Variants in PPP5C observed in about 807,000 individuals in gnomAD.
PPP5C encodes the protein protein phosphatase 5 catalytic subunit.
PPP5C carries 21 observed loss-of-function variants against 66.7 expected under a neutral mutation model. The observed-to-expected ratio is 0.31, with a 90% CI of 0.22 to 0.45. The LOEUF (loss-of-function observed/expected upper bound fraction) is 0.45. PPP5C is among the 20% of genes least tolerant of loss of function. The pLI, the probability that PPP5C is intolerant of heterozygous loss-of-function variation, is 1.00. For missense variants in PPP5C, 464 were observed against 675.9 expected, an observed-to-expected ratio of 0.69 and a Z score of 3.48; for synonymous variants, 246 against 257.4, an observed-to-expected ratio of 0.96 and a Z score of 0.43.
chr19:46,374,609 CT>C (rs892982302), intron 2 of PPP5C, among the ~76,000 whole-genome samples: 2 of 152,184 alleles, frequency 1.3e-5, no homozygotes, highest in Non-Finnish European at 2.9e-5. Flanking sequence ...GATAGGGCTC[CT>C]TTCACTGGGA....
chr19:46,362,946 C>A (rs1403867537), intron 2 of PPP5C, among the ~76,000 whole-genome samples: 2 of 150,336 alleles, frequency 1.3e-5, no homozygotes, highest in Non-Finnish European at 3.0e-5. Flanking sequence ...CGCCACCACA[C>A]CCGGCTAATT....
intron 8 of PPP5C, 35 bp downstream of exon 8, chr19:46,387,270 C>T: frequency 6.2e-7 from 1 of 1,613,882 alleles, no homozygotes; most frequent in Non-Finnish European, 8.5e-7. Flanking sequence ...GTGGGTTCCC[C>T]ACCCAGCCAC....
At chr19:46,361,529 G>A (rs1972390116) in intron 2 of PPP5C, among the ~76,000 whole-genome samples, 2 of 141,326 alleles carry the variant, frequency 1.4e-5, no homozygotes, top group African/African-American at 5.2e-5. Flanking sequence ...GGCGGATCAT[G>A]AGGTCAAGAG....
At position 46,390,646 on chromosome 19, in the gene PPP5C, G is replaced by GC. The variant is rs145421809; in HGVS notation, c.*306dup. 3.7e-3 allele frequency: 4,685 copies of GC among 1,282,786 alleles called. 148 individuals carry two copies. The African/African-American group carries it at 0.063, about 17-fold the overall frequency. The allele number at this position is 1,282,786 out of a possible 1,614,324, so 79.5% of individuals were successfully genotyped here. A position where few individuals can be genotyped will look rare whatever the true frequency, so the allele number is the denominator to read the frequency against. ...TGGGGTGGGGCCGAGTGGCTGCCCT[G>GC]CCCCCCTCATTTGCATGGCTCCTCC... On this transcript the variant is annotated 3_prime_UTR_variant, in exon 13 of 13. Transcript: ENST00000012443.
At chr19:46,384,739 A>AC in intron 6 of PPP5C, 65 bp from the exon 7 acceptor site, 1 of 1,270,734 alleles carries the variant, frequency 7.9e-7, no homozygotes. Context: ...TTCTGCCACC[A>AC]CCCCCAACCC....
chr19:46,384,299 A>C (rs1972845547), intron 6 of PPP5C: 1 of 257,572 alleles, frequency 3.9e-6, no homozygotes, highest in African/African-American at 2.2e-5. Flanking sequence ...AATATGTGCA[A>C]CCTTGTTACT....
rs1362413746 is a variant in PPP5C at position 46,352,954 on chromosome 19, G to A, written c.122-794G>A. 3.9e-5 allele frequency among the ~76,000 whole-genome samples: 6 copies of A among 152,216 alleles called. No homozygotes were observed. In the East Asian group the frequency reaches 1.2e-3, roughly 29 times the overall value. On this transcript the variant is annotated intron_variant, in intron 1 of 12. Coordinates refer to ENST00000012443, the MANE Select transcript of PPP5C (RefSeq NM_006247.4). ...GTTTCCCTGGGCTTGTGAGAGTTCA[G>A]TGAAGGGGGACCTGTGTACTAAAGC...
chr19:46,364,808 T>C (rs1386244817), intron 2 of PPP5C, among the ~76,000 whole-genome samples: 1 of 152,082 alleles, frequency 6.6e-6, no homozygotes, highest in Non-Finnish European at 1.5e-5. Flanking sequence ...TTCAAGACCC[T>C]CATTTGGGCC....
chr19:46,376,708 G>A lies in PPP5C; in HGVS notation c.633+134G>A, dbSNP rs1257172256. 17 of 1,286,172 alleles carry A rather than the reference G, an allele frequency of 1.3e-5. No individual in the cohort carries two copies. The highest frequency in any genetic ancestry group is 4.5e-5 in the African/African-American group (3 of 67,012). 79.7% of individuals were successfully genotyped at this position (1,286,172 alleles called of 1,614,324 possible). ...CAACACCAAACAGGAGTCGTGTGCC[G>A]GACACTGTGCCGAGGGCTTACCACA... On this transcript the variant is annotated intron_variant, in intron 4 of 12. Coordinates refer to ENST00000012443, the MANE Select transcript of PPP5C (RefSeq NM_006247.4). The surrounding 1 kb of genome is among the most constrained non-coding windows in gnomAD (Gnocchi z 5.1).
chr19:46,387,489 G>A, intron 9 of PPP5C, 36 bp downstream of exon 9: 1 of 1,613,984 alleles, frequency 6.2e-7, no homozygotes, highest in Middle Eastern at 1.7e-4. Flanking sequence ...CCAGCAGAAA[G>A]GGGCAGCCTG....
chr19:46,372,367 G>GA, intron 2 of PPP5C, among the ~76,000 whole-genome samples: 1 of 151,160 alleles, frequency 6.6e-6, no homozygotes, highest in Non-Finnish European at 1.5e-5. Context: ...TACCTGGCTA[G>GA]CTTTTTGTTG....
chr19:46,365,369 C>T (rs1387335675), intron 2 of PPP5C, among the ~76,000 whole-genome samples: 3 of 152,214 alleles, frequency 2.0e-5, no homozygotes, highest in Non-Finnish European at 4.4e-5. Flanking sequence ...CCACCTGTCT[C>T]AGCCTCCCAA....
At chr19:46,384,552 AC>A in intron 6 of PPP5C, 4 of 435,470 alleles carry the variant, frequency 9.2e-6, no homozygotes, top group Non-Finnish European at 1.3e-5. Context: ...TTTCCGGGAG[AC>A]AGGAGGCAGG....
In PPP5C at chr19:46,390,054, C is replaced by A. The variant is rs765007929; in HGVS notation, c.1359C>A (p.Asp453Glu). The part of the protein sequence containing the change: ...VTVFSAPNYC[D>E]QMGNKASYIH... The stretch of plus-strand genomic sequence containing the variant: ...CACTCTGCTCCTGTCCCTGCAGCGA[C>A]CAGATGGGGAACAAAGCCTCCTACA... Residue 453 changes from aspartate to glutamate, a missense_variant, in exon 12 of 13, where the codon GAC (aspartate) becomes GAA (glutamate). Asp to Glu is a conservative substitution (Grantham distance 45, BLOSUM62 2). Around this residue, in one of 2 missense-constraint regions of PPP5C, gnomAD observed 387 missense variants for 626.0 expected, o/e 0.62. Transcript: ENST00000012443. 1 of 1,614,104 alleles carries A rather than the reference C, an allele frequency of 6.2e-7. No homozygotes were observed.
intron 8 of PPP5C, 61 bp from the exon 9 acceptor site, chr19:46,387,305 G>A: frequency 6.2e-7 from 1 of 1,611,304 alleles, no homozygotes; most frequent in Non-Finnish European, 8.5e-7. Flanking sequence ...GCTGGTGAAG[G>A]AAGTTGGGGC....
intron 7 of PPP5C, 83 bp from the exon 8 acceptor site, chr19:46,387,010 G>T (rs948879128): frequency 1.9e-6 from 3 of 1,598,510 alleles, no homozygotes. Flanking sequence ...CGCATGCACA[G>T]TTCTGGGCCT....
chr19:46,369,727 A>G (rs1457557135), intron 2 of PPP5C, among the ~76,000 whole-genome samples: 1 of 151,128 alleles, frequency 6.6e-6, no homozygotes, highest in East Asian at 1.9e-4. Flanking sequence ...GGAGTTCAGG[A>G]CCAGCCTGGC....
chr19:46,353,539 G>A (rs1229103154), intron 1 of PPP5C, among the ~76,000 whole-genome samples: 1 of 152,144 alleles, frequency 6.6e-6, no homozygotes, highest in East Asian at 1.9e-4. Flanking sequence ...GGGCGGGTGT[G>A]TGGAGTCCTG....
rs563659675 is a variant in PPP5C at position 46,372,027 on chromosome 19, C to T, written c.364-3577C>T. 2.6e-5 allele frequency among the ~76,000 whole-genome samples: 4 copies of T among 152,270 alleles called. No individual in the cohort carries two copies. The South Asian group carries it at 8.3e-4, about 32-fold the overall frequency. On this transcript the variant is annotated intron_variant, in intron 2 of 12. Coordinates refer to ENST00000012443, the MANE Select transcript of PPP5C (RefSeq NM_006247.4). ...CAGCTCGTTCAGTGGCAAAACCTGA[C>T]CTGAACTACTAAGAAGCTGCTGATG...
Sources: gnomAD v4.1 joint callset for allele counts (sites outside exome capture counted in the v4.1 genomes callset) on GRCh38, gnomAD v4.1.1 for gene constraint, gnomAD v4.1.1 regional missense constraint, Gnocchi (gnomAD v3.1) non-coding constraint, MANE v1.5 for transcripts, NCBI Gene and HGNC (gene_info 2026-07-23, HGNC 2026-07-21) for gene names.